MED12L: variants seen among roughly 807,000 people sequenced by gnomAD.
The protein encoded by MED12L is mediator complex subunit 12L, also known as mediator of RNA polymerase II transcription subunit 12-like protein.
MED12L carries 60 observed loss-of-function variants against 281.3 expected under a neutral mutation model. The observed-to-expected ratio is 0.21, with a 90% confidence interval of 0.17 to 0.26. The LOEUF is 0.26. Among genes scored for constraint, MED12L ranks in the 10% least tolerant of loss-of-function variants. MED12L has a pLI of 1.00. For missense variants in MED12L, 2,146 were observed against 2,680.9 expected (o/e 0.80, Z 4.41); for synonymous variants, 974 against 987.2 (o/e 0.99, Z 0.25).
intron 25 of MED12L, among the ~76,000 whole-genome samples, chr3:151,368,629 T>TATTTTATTTTATTTTATTTC (rs1560086851): frequency 3.2e-5 from 3 of 92,890 alleles, no homozygotes; most frequent in Non-Finnish European, 6.6e-5. Flanking sequence ...TATTTTATTT[T>TATTTTATTTTATTTTATTTC]ATTTCATTTC....
At chr3:151,341,582 TTA>T (rs1163515530) in intron 16 of MED12L, among the ~76,000 whole-genome samples, 2 of 146,464 alleles carry the variant, frequency 1.4e-5, no homozygotes, top group African/African-American at 5.5e-5. Context: ...TTTTTTAATT[TTA>T]TTATTATTAT....
chr3:151,405,336 T>C lies in MED12L; in HGVS notation c.5821-3907T>C, dbSNP rs184545157. Among the ~76,000 whole-genome samples the C allele has an allele frequency of 3.8e-3, 583 of 152,368 alleles. 9 individuals are homozygous for C. The highest frequency in any genetic ancestry group is 3.8e-3 in the Admixed American group (58 of 15,310). ...TACAATTATTAGACTGTCCCAGTTC[T>C]CTGTAGATCATTCCCTTTGCACATA... On this transcript the variant is annotated intron_variant, in intron 39 of 44. Transcript: ENST00000687756.
At chr3:151,313,122 C>T (rs1747773611) in intron 16 of MED12L, among the ~76,000 whole-genome samples, 1 of 152,108 alleles carries the variant, frequency 6.6e-6, no homozygotes, top group Non-Finnish European at 1.5e-5. Flanking sequence ...TAATGAGGGG[C>T]AGAGCCTGGA....
Position 151,188,406 on chromosome 3 carries a change from C to T in MED12L, c.1679C>T (p.Ser560Phe). 2 of 1,611,848 alleles carry T rather than the reference C, an allele frequency of 1.2e-6. No homozygotes were observed. The highest frequency in any genetic ancestry group is 1.7e-6 in the Non-Finnish European group (2 of 1,178,044). Reference protein sequence around the residue: ...LDEKESISSSSLAGSSLPVFQ... With the variant: ...LDEKESISSSFLAGSSLPVFQ... ...GAGAAGGAGTCTATTTCTTCATCCT[C>T]TCTTGCTGGATCCAGTTTGCCTGTT... Residue 560 changes from serine (S) to phenylalanine (F), a missense_variant, in exon 13 of 45, where the codon TCT becomes TTT. Around this residue, in one of 9 missense-constraint regions of MED12L, gnomAD observed 722 missense variants for 861.2 expected, o/e 0.84. Coordinates refer to ENST00000687756, the MANE Select transcript of MED12L (RefSeq NM_001393769.1).
At chr3:151,223,131 CA>C (rs1435258746) in intron 16 of MED12L, among the ~76,000 whole-genome samples, 23 of 140,298 alleles carry the variant, frequency 1.6e-4, no homozygotes, top group Admixed American at 5.2e-4. Flanking sequence ...GGTTGTAAAT[CA>C]TATATTCTAA....
At chr3:151,381,182 C>G (rs1323552765) in intron 32 of MED12L, among the ~76,000 whole-genome samples, 1 of 152,120 alleles carries the variant, frequency 6.6e-6, no homozygotes, top group Non-Finnish European at 1.5e-5. Context: ...GCCTAATTGA[C>G]CCCTTCTTGT....
At chr3:151,102,710 A>C (rs375454703) in intron 2 of MED12L, among the ~76,000 whole-genome samples, 1 of 152,156 alleles carries the variant, frequency 6.6e-6, no homozygotes, top group South Asian at 2.1e-4. Flanking sequence ...TGGACAATCA[A>C]GTGATCGTCG....
At chr3:151,189,348 T>A (rs950367050) in intron 13 of MED12L, among the ~76,000 whole-genome samples, 9 of 152,116 alleles carry the variant, frequency 5.9e-5, no homozygotes, top group Non-Finnish European at 1.3e-4. Flanking sequence ...ATCTAGTGGT[T>A]GGAACATAGG....
intron 16 of MED12L, among the ~76,000 whole-genome samples, chr3:151,334,196 C>CTTTTTTTTTTTTT (rs71138494): frequency 3.4e-5 from 4 of 118,228 alleles, no homozygotes; most frequent in South Asian, 2.8e-4. Context: ...TTCTTTCTTT[C>CTTTTTTTTTTTTT]TTTTTTTTTT....
intron 16 of MED12L, among the ~76,000 whole-genome samples, chr3:151,194,206 A>T (rs1724351035): frequency 6.6e-6 from 1 of 152,038 alleles, no homozygotes; most frequent in African/African-American, 2.4e-5. Context: ...ACCTCAGGTG[A>T]TCCGTCCGCC....
intron 16 of MED12L, among the ~76,000 whole-genome samples, chr3:151,247,066 C>T (rs1033050636): frequency 6.6e-6 from 1 of 152,160 alleles, no homozygotes; most frequent in African/African-American, 2.4e-5. Flanking sequence ...CAAGAAGATA[C>T]CATCTCACAC....
chr3:151,434,412 A>C lies in MED12L; in HGVS notation c.*1608A>C, dbSNP rs1187442112. ...GTGAACTGCTTTGTACACTGTGAAAATATTTCACTCCAGCCTGCCCATTTT... is the reference window on the plus strand; with the variant it reads ...GTGAACTGCTTTGTACACTGTGAAACTATTTCACTCCAGCCTGCCCATTTT... On this transcript the variant is annotated 3_prime_UTR_variant, in exon 45 of 45. Coordinates refer to ENST00000687756, the MANE Select transcript of MED12L (RefSeq NM_001393769.1). 1 of 152,166 alleles carries C rather than the reference A, an allele frequency of 6.6e-6. No homozygotes were observed. The highest frequency in any genetic ancestry group is 2.4e-5 in the African/African-American group (1 of 41,434). The allele number at this position is 152,166 out of a possible 1,614,324, so 9.4% of individuals were successfully genotyped here.
At chr3:151,356,659 C>CT (rs1753961794) in intron 19 of MED12L, among the ~76,000 whole-genome samples, 1 of 150,934 alleles carries the variant, frequency 6.6e-6, no homozygotes, top group Non-Finnish European at 1.5e-5. Context: ...TTCTTTTGGT[C>CT]TTTGTTATTT....
intron 33 of MED12L, 21 bp from the exon 34 acceptor site, chr3:151,383,758 T>G (rs1560107613): frequency 6.7e-7 from 1 of 1,501,124 alleles, no homozygotes; most frequent in Non-Finnish European, 9.2e-7. Context: ...TGCAAATATC[T>G]TACTGTATTT....
chr3:151,113,891 T>C (rs1479503530), intron 2 of MED12L, among the ~76,000 whole-genome samples: 1 of 152,242 alleles, frequency 6.6e-6, no homozygotes, highest in Non-Finnish European at 1.5e-5. Flanking sequence ...GAAGCAATAC[T>C]AAACTATCTG....
At chr3:151,096,561 TA>T (rs1720740980) in intron 2 of MED12L, among the ~76,000 whole-genome samples, 1 of 152,258 alleles carries the variant, frequency 6.6e-6, no homozygotes, top group African/African-American at 2.4e-5. Flanking sequence ...CTCCTTTATT[TA>T]TATCTGTTTC....
intron 11 of MED12L, among the ~76,000 whole-genome samples, chr3:151,168,073 A>C (rs1720942959): frequency 6.6e-6 from 1 of 152,156 alleles, no homozygotes; most frequent in African/African-American, 2.4e-5. Flanking sequence ...CAGACACTTA[A>C]GTTACAGCAC....
intron 5 of MED12L, among the ~76,000 whole-genome samples, chr3:151,145,713 CAAGTT>C (rs1717668540): frequency 6.6e-6 from 1 of 152,196 alleles, no homozygotes; most frequent in African/African-American, 2.4e-5. Context: ...TTCATTAAAA[CAAGTT>C]AAGGAAATAA....
chr3:151,128,578 GTGTTTCT>G (rs1158983920), intron 5 of MED12L, among the ~76,000 whole-genome samples: 1 of 151,568 alleles, frequency 6.6e-6, no homozygotes, highest in Non-Finnish European at 1.5e-5. Context: ...CAGGGCTTCT[GTGTTTCT>G]TGTTTGTTGT....
Sources: allele counts gnomAD v4.1 joint callset (sites outside exome capture counted in the v4.1 genomes callset), GRCh38; gene constraint gnomAD v4.1.1; regional missense constraint gnomAD v4.1.1; transcripts MANE v1.5; gene names NCBI Gene and HGNC (gene_info 2026-07-23, HGNC 2026-07-21).